The following MESD variants were observed in gnomAD, a reference collection of about 807,000 sequenced individuals.
MESD encodes the protein LRP chaperone MESD.
In MESD, 7 loss-of-function variants were observed where a neutral mutation model predicts 12.9. The observed-to-expected ratio is 0.54, with a 90% CI of 0.31 to 1.02. The LOEUF is 1.02. MESD is among the 50% of genes least tolerant of loss of function. The probability of loss-of-function intolerance (pLI) is 0.05; values close to 1 mark genes in which losing one functional copy is unlikely to be tolerated. For missense variants in MESD, 342 were observed against 296.7 expected (o/e 1.15, Z -1.12); for synonymous variants, 126 against 115.6 (o/e 1.09, Z -0.58).
At position 80,977,681 on chromosome 15, in the gene MESD, C is replaced by G. The variant is rs530369533; in HGVS notation, c.*1538G>C. 2 of 152,392 alleles carry G rather than the reference C, an allele frequency of 1.3e-5. No individual in the cohort carries two copies. The highest frequency in any genetic ancestry group is 4.1e-4 in the South Asian group (2 of 4,834). 9.4% of individuals were successfully genotyped at this position (152,392 alleles called of 1,614,324 possible). A position where few individuals can be genotyped will look rare whatever the true frequency, so the allele number is the denominator to read the frequency against. On this transcript the variant is annotated 3_prime_UTR_variant, in exon 3 of 3. Coordinates refer to ENST00000261758, the MANE Select transcript of MESD (RefSeq NM_015154.3). Reference sequence around the variant, plus strand: ...CCACAGACAGGGCTTGGTTCAGCCACGGCATGATTCAGGGACTCGTTTATG... The same window carrying G: ...CCACAGACAGGGCTTGGTTCAGCCAGGGCATGATTCAGGGACTCGTTTATG...
At chr15:80,975,480 G>A (rs371806284), downstream of MESD, among the ~76,000 whole-genome samples, 8 of 152,078 alleles carry the variant, frequency 5.3e-5, no homozygotes, top group Non-Finnish European at 1.0e-4. Context: ...GCATAAAGGC[G>A]GACACTGTGG....
chr15:80,966,513 G>A (rs145071795), intron 3 of MESD, among the ~76,000 whole-genome samples: 15 of 152,274 alleles, frequency 9.9e-5, no homozygotes, highest in Admixed American at 7.8e-4. Flanking sequence ...AGAGCTCAAC[G>A]GGCCCAGTGC....
chr15:80,974,372 G>T (rs1902358817), downstream of MESD, among the ~76,000 whole-genome samples: 1 of 152,102 alleles, frequency 6.6e-6, no homozygotes, highest in African/African-American at 2.4e-5. Flanking sequence ...AAACAAAGAT[G>T]TGGCATCTAC....
At chr15:80,984,134 C>T (rs1260671787) in intron 1 of MESD, among the ~76,000 whole-genome samples, 1 of 151,964 alleles carries the variant, frequency 6.6e-6, no homozygotes, top group Non-Finnish European at 1.5e-5. Context: ...CTCCTGACCT[C>T]GTGATCTGCC....
Position 80,949,191 on chromosome 15 carries a change from T to C in MESD, c.*627-293A>G, listed in dbSNP as rs1319940830. The C allele has an allele frequency of 1.0e-5, 5 of 499,824 alleles. No homozygotes were observed. The East Asian group carries it at 1.9e-4, about 19-fold the overall frequency. 31.0% of individuals were successfully genotyped at this position (499,824 alleles called of 1,614,324 possible). The stretch of plus-strand genomic sequence containing the variant: ...TGCAGCCTCTTGGGTGCTTCTCTCC[T>C]ATCTGTGCCTCTTCAGTGGGGGTTT... On this transcript the variant is annotated intron_variant, in intron 4 of 4. Coordinates refer to the MESD transcript ENST00000561312.
intron 1 of MESD, among the ~76,000 whole-genome samples, chr15:80,985,639 C>CTTTTTTTTTTTTTT (rs11425497): frequency 2.0e-4 from 18 of 89,046 alleles, no homozygotes; most frequent in African/African-American, 7.9e-4. Context: ...TCCCAAGCAG[C>CTTTTTTTTTTTTTT]TTTTTTTTTT....
chr15:80,989,780 G>A lies in MESD; in HGVS notation c.12C>T (p.Ser4=), dbSNP rs1893251029. 1.9e-6 allele frequency: 3 copies of A among 1,584,604 alleles called. No individual in the cohort carries two copies. Among genetic ancestry groups the A allele is most frequent in the Non-Finnish European group, 2.6e-6 (3 of 1,172,574 alleles). Reference sequence around the variant, plus strand: ...GGACCACGGCCTTGCGCGCCCACCTGGAAGCCGCCATTTTCGCTGCGCCGC... The same window carrying A: ...GGACCACGGCCTTGCGCGCCCACCTAGAAGCCGCCATTTTCGCTGCGCCGC... MAA[S]RWARKAVVLL... is the part of the protein sequence containing the mutation. The change falls in exon 1 of 3, where the codon TCC becomes TCT. Residue 4 remains serine (S), a synonymous_variant. Transcript: ENST00000261758.
chr15:80,964,739 A>T lies in MESD; in HGVS notation c.*289-12443T>A, dbSNP rs1902145624. Among the ~76,000 whole-genome samples the T allele has an allele frequency of 1.3e-5, 2 of 152,242 alleles. 1 individual carries two copies. The highest frequency in any genetic ancestry group is 3.8e-4 in the East Asian group (2 of 5,206). On this transcript the variant is annotated intron_variant, in intron 3 of 4. Transcript: ENST00000561312. ...CTATTTAATAAATGGTGCTGGGAAA[A>T]CTGGCTAGCCATATGTAGAAAGCTG...
chr15:80,964,562 A>G (rs1902142704), intron 3 of MESD, among the ~76,000 whole-genome samples: 1 of 152,266 alleles, frequency 6.6e-6, no homozygotes, highest in South Asian at 2.1e-4. Flanking sequence ...CTGACTTCAA[A>G]CTATACTACA....
rs1056761824 is a variant in MESD at position 80,978,995 on chromosome 15, G to C, written c.*224C>G. 9.4e-5 allele frequency: 55 copies of C among 582,188 alleles called. No homozygotes were observed. In the Middle Eastern group the frequency reaches 1.8e-3, roughly 19 times the overall value. The allele number at this position is 582,188 out of a possible 1,614,324, so 36.1% of individuals were successfully genotyped here. ...TGTAAGGAGATTTTATAGTAAACATGAATTTGTCAGTGTCCAGTATTAATT... is the reference window on the plus strand; with the variant it reads ...TGTAAGGAGATTTTATAGTAAACATCAATTTGTCAGTGTCCAGTATTAATT... On this transcript the variant is annotated 3_prime_UTR_variant, in exon 3 of 3. Transcript: ENST00000261758.
intron 1 of MESD, among the ~76,000 whole-genome samples, chr15:80,984,613 G>T (rs888814083): frequency 1.3e-5 from 2 of 152,140 alleles, no homozygotes; most frequent in African/African-American, 4.8e-5. Flanking sequence ...AGAACACAGG[G>T]GAGGAGTGGT....
chr15:80,948,704 CG>C, exon 5 of MESD: 1 of 1,540,972 alleles, frequency 6.5e-7, no homozygotes, highest in Non-Finnish European at 8.9e-7. Context: ...ACCTGGTGGG[CG>C]TGGGGGGCTG....
chr15:80,984,450 ATT>A (rs1260395920), intron 1 of MESD, among the ~76,000 whole-genome samples: 1 of 152,218 alleles, frequency 6.6e-6, no homozygotes, highest in Non-Finnish European at 1.5e-5. Flanking sequence ...TGAAGTACTG[ATT>A]GATACATGAA....
intron 3 of MESD, among the ~76,000 whole-genome samples, chr15:80,956,829 TG>T: frequency 1.3e-5 from 2 of 152,060 alleles, no homozygotes; most frequent in Admixed American, 6.5e-5. Context: ...TCTTTTTTTT[TG>T]TTTGAGACAG....
At chr15:80,973,566 T>C (rs931887084), downstream of MESD, among the ~76,000 whole-genome samples, 1 of 152,086 alleles carries the variant, frequency 6.6e-6, no homozygotes, top group African/African-American at 2.4e-5. Flanking sequence ...CAGTTCTTAC[T>C]ATGAACACAA....
At chr15:80,981,393 C>T (rs1346481362) in intron 2 of MESD, among the ~76,000 whole-genome samples, 5 of 144,454 alleles carry the variant, frequency 3.5e-5, no homozygotes, top group East Asian at 4.2e-4. Flanking sequence ...GCTGAGACTG[C>T]GCCACTGCAC....
At chr15:80,952,837 T>C in intron 3 of MESD, 1 of 390,650 alleles carries the variant, frequency 2.6e-6, no homozygotes, top group Non-Finnish European at 5.1e-6. Flanking sequence ...GAGATCACAC[T>C]TGCACACTCA....
chr15:80,970,754 C>G (rs1467782225), downstream of MESD: 2 of 152,112 alleles, frequency 1.3e-5, no homozygotes, highest in Non-Finnish European at 2.9e-5. Flanking sequence ...GACCTCAGTA[C>G]AGAAGTGGGC....
chr15:80,951,651 T>G (rs1251031735), intron 4 of MESD: 3 of 152,640 alleles, frequency 2.0e-5, no homozygotes, highest in African/African-American at 7.2e-5. Context: ...AGAATTGTCT[T>G]AAATGTCATG....
Sources: allele counts gnomAD v4.1 joint callset (sites outside exome capture counted in the v4.1 genomes callset), GRCh38; gene constraint gnomAD v4.1.1; transcripts MANE v1.5; gene names NCBI Gene and HGNC (gene_info 2026-07-23, HGNC 2026-07-21).